The following TOP6BL variants were observed in gnomAD, a reference collection of about 807,000 sequenced individuals.
TOP6BL encodes the protein type 2 DNA topoisomerase 6 subunit B-like.
the TOP6BL span, among the ~76,000 whole-genome samples, chr11:66,780,154 A>G: frequency 2.7e-5 from 4 of 148,326 alleles, no homozygotes; most frequent in East Asian, 7.8e-4. Context: ...AAACTTTCAT[A>G]AAAAAAAAAG....
chr11:66,795,224 C>T, the TOP6BL span, among the ~76,000 whole-genome samples: 1 of 151,576 alleles, frequency 6.6e-6, no homozygotes, highest in Non-Finnish European at 1.5e-5. Context: ...AGCAACTGCA[C>T]AACACTTGTC....
chr11:66,755,503 C>T, the TOP6BL span, among the ~76,000 whole-genome samples: 1 of 152,008 alleles, frequency 6.6e-6, no homozygotes, highest in Non-Finnish European at 1.5e-5. Flanking sequence ...AATCTCTTTT[C>T]TATTATTTTA....
the TOP6BL span, among the ~76,000 whole-genome samples, chr11:66,803,269 G>T: frequency 6.6e-6 from 1 of 152,062 alleles, no homozygotes; most frequent in African/African-American, 2.4e-5. Context: ...ATTAATTTTA[G>T]TGGAGGAAGT....
chr11:66,843,469 G>A, the TOP6BL span: 1 of 1,425,012 alleles, frequency 7.0e-7, no homozygotes, highest in Non-Finnish European at 9.1e-7. Context: ...GCGGCGCTGG[G>A]CGGGGATGGG....
the TOP6BL span, among the ~76,000 whole-genome samples, chr11:66,841,492 C>T: frequency 2.1e-4 from 32 of 152,204 alleles, no homozygotes; most frequent in Admixed American, 6.5e-5. Context: ...TTCCTGGTGA[C>T]GCCTCTATCT....
chr11:66,832,381 T>G, the TOP6BL span, among the ~76,000 whole-genome samples: 18 of 152,322 alleles, frequency 1.2e-4, no homozygotes, highest in Non-Finnish European at 2.1e-4. Context: ...ATTACAGGCA[T>G]GAGCCACCGC....
the TOP6BL span, among the ~76,000 whole-genome samples, chr11:66,784,614 A>G: frequency 6.6e-6 from 1 of 152,238 alleles, no homozygotes; most frequent in Non-Finnish European, 1.5e-5. Flanking sequence ...TATTTTGGAC[A>G]TCTCATATAA....
the TOP6BL span, among the ~76,000 whole-genome samples, chr11:66,827,966 GAAAAAAAAAAA>G: frequency 9.8e-3 from 295 of 30,110 alleles, 1 homozygote; most frequent in Non-Finnish European, 0.014. Context: ...CTCTGTCTCA[GAAAAAAAAAAA>G]AAAAAAAAAA....
At chr11:66,800,954 A>G in the TOP6BL span, 1 of 1,510,556 alleles carries the variant, frequency 6.6e-7, no homozygotes, top group Non-Finnish European at 9.1e-7. Flanking sequence ...GGTAGTAGTC[A>G]TGGGCCAAAA....
the TOP6BL span, chr11:66,843,178 T>TG: frequency 5.6e-6 from 9 of 1,611,192 alleles, no homozygotes; most frequent in Non-Finnish European, 7.6e-6. Flanking sequence ...GGACGTGCTG[T>TG]GGCTGCAGGA....
the TOP6BL span, among the ~76,000 whole-genome samples, chr11:66,824,529 T>C: frequency 2.6e-5 from 4 of 151,396 alleles, no homozygotes; most frequent in Non-Finnish European, 5.9e-5. Context: ...ATGTGCCATG[T>C]TGGTGTGCTG....
chr11:66,836,226 G>A, the TOP6BL span, among the ~76,000 whole-genome samples: 1 of 152,034 alleles, frequency 6.6e-6, no homozygotes, highest in East Asian at 1.9e-4. Context: ...TGCTGTTGTT[G>A]TTGTTGTTGA....
At chr11:66,836,793 CG>C in the TOP6BL span, among the ~76,000 whole-genome samples, 16 of 150,234 alleles carry the variant, frequency 1.1e-4, no homozygotes, top group African/African-American at 3.4e-4. Flanking sequence ...CTCTACCTCC[CG>C]GGTTCAAGTG....
At chr11:66,827,966 G>GA in the TOP6BL span, among the ~76,000 whole-genome samples, 11,590 of 30,106 alleles carry the variant, frequency 0.38, 2,704 homozygotes, top group East Asian at 0.51. Context: ...CTCTGTCTCA[G>GA]AAAAAAAAAA....
the TOP6BL span, among the ~76,000 whole-genome samples, chr11:66,811,545 A>G: frequency 6.6e-6 from 1 of 152,224 alleles, no homozygotes. Flanking sequence ...ATCTGCAAAA[A>G]TATAATGTAT....
At chr11:66,781,023 G>C in the TOP6BL span, among the ~76,000 whole-genome samples, 2 of 151,940 alleles carry the variant, frequency 1.3e-5, no homozygotes, top group African/African-American at 4.8e-5. Flanking sequence ...TATATACCTA[G>C]GTGTGATTTT....
chr11:66,794,449 C>A, the TOP6BL span, among the ~76,000 whole-genome samples: 2 of 152,028 alleles, frequency 1.3e-5, no homozygotes, highest in African/African-American at 4.8e-5. Flanking sequence ...ACCTGGCTAA[C>A]CTTGGACAAG....
the TOP6BL span, among the ~76,000 whole-genome samples, chr11:66,839,688 T>C: frequency 6.6e-6 from 1 of 152,250 alleles, no homozygotes; most frequent in African/African-American, 2.4e-5. Context: ...AAAGAATCTA[T>C]TTTTATAAAT....
At chr11:66,745,521 T>A in the TOP6BL span, among the ~76,000 whole-genome samples, 9 of 152,306 alleles carry the variant, frequency 5.9e-5, no homozygotes, top group East Asian at 1.7e-3. Flanking sequence ...CCACGCCCCG[T>A]GTGCTCATTT....
Sources: gnomAD v4.1 joint callset for allele counts (sites outside exome capture counted in the v4.1 genomes callset) on GRCh38, gnomAD v4.1.1 for gene constraint, MANE v1.5 for transcripts, NCBI Gene and HGNC (gene_info 2026-07-23, HGNC 2026-07-21) for gene names.